SCML1: variants seen among roughly 807,000 people sequenced by gnomAD.
SCML1 encodes sex comb on midleg-like protein 1.
For missense variants in SCML1, 137 were observed against 258.1 expected, an observed-to-expected ratio of 0.53 and a Z score of 3.22; for synonymous variants, 104 against 103.6, an observed-to-expected ratio of 1.00 and a Z score of -0.02.
chrX:17,746,879 G>T (rs749817515), intron 4 of SCML1, among the ~76,000 whole-genome samples: 3 of 111,915 alleles, frequency 2.7e-5, no homozygotes, highest in African/African-American at 9.7e-5. Flanking sequence ...TGTGGGGGGA[G>T]GTGTCCAGGG....
At chrX:17,742,114 A>G (rs1359606894) in intron 1 of SCML1, among the ~76,000 whole-genome samples, 1 of 111,838 alleles carries the variant, frequency 8.9e-6, no homozygotes, top group Non-Finnish European at 1.9e-5. Flanking sequence ...AAAATGTTAT[A>G]AAAACTGGAC....
chrX:17,744,334 A>G, intron 2 of SCML1, 115 bp downstream of exon 2: 5 of 547,719 alleles, frequency 9.1e-6, no homozygotes, highest in Non-Finnish European at 1.2e-5. Context: ...AATTTTTGTT[A>G]TATATTTTAA....
At position 17,750,252 on chromosome X, in the gene SCML1, A is replaced by G; in HGVS notation, c.662A>G (p.Asn221Ser). 1 of 1,210,367 alleles carries G rather than the reference A, an allele frequency of 8.3e-7. No homozygotes were observed. The highest frequency in any genetic ancestry group is 1.1e-6 in the Non-Finnish European group (1 of 894,776). The change falls in exon 6 of 8, where the codon AAC (asparagine) becomes AGC (serine). Residue 221 changes from asparagine (N) to serine (S), a missense_variant. Physicochemically the swap from Asn to Ser is conservative, Grantham distance 46 (BLOSUM62 1). Coordinates refer to ENST00000380041, the MANE Select transcript of SCML1 (RefSeq NM_001037540.3). ...LGNPRADSIHNTYSTDHASAA... is the reference protein window; with the variant it reads ...LGNPRADSIHSTYSTDHASAA... ...AACCCTCGGGCTGACAGCATCCACA[A>G]CACTTACTCAACTGACCATGCTTCT...
At chrX:17,752,838 A>T (rs1045316200) in intron 7 of SCML1, among the ~76,000 whole-genome samples, 2 of 111,627 alleles carry the variant, frequency 1.8e-5, no homozygotes, top group African/African-American at 6.5e-5. Context: ...CATTGTATAG[A>T]CATTTACAGT....
chrX:17,747,366 C>T (rs1364396870), intron 4 of SCML1, among the ~76,000 whole-genome samples: 1 of 111,162 alleles, frequency 9.0e-6, no homozygotes, highest in African/African-American at 3.3e-5. Flanking sequence ...CGAGTTCTCC[C>T]ACATCTTGGA....
chrX:17,749,751 A>G, intron 5 of SCML1, 143 bp from the exon 6 acceptor site: 1 of 578,002 alleles, frequency 1.7e-6, no homozygotes. Context: ...TGTAGGATTG[A>G]AGAATTATAT....
chrX:17,748,240 C>G (rs1431587728), intron 4 of SCML1, among the ~76,000 whole-genome samples: 1 of 111,830 alleles, frequency 8.9e-6, no homozygotes, highest in Non-Finnish European at 1.9e-5. Context: ...GGTAGTTCCT[C>G]TAGGACAGGC....
Position 17,753,612 on chromosome X carries a change from C to A in SCML1, c.*220C>A. 2.5e-5 allele frequency: 5 copies of A among 203,740 alleles called. No homozygotes were observed. Among genetic ancestry groups the A allele is most frequent in the East Asian group, 8.4e-5 (1 of 11,938 alleles). The allele number at this position is 203,740 out of a possible 1,213,427, so 16.8% of individuals were successfully genotyped here. On this transcript the variant is annotated 3_prime_UTR_variant, in exon 8 of 8. Coordinates refer to ENST00000380041, the MANE Select transcript of SCML1 (RefSeq NM_001037540.3). ...TATTAGAATAGTCCAATAGAAAATTCATTCTTTATAGGTCTTTAAAAATTA... is the reference window on the plus strand; with the variant it reads ...TATTAGAATAGTCCAATAGAAAATTAATTCTTTATAGGTCTTTAAAAATTA...
At chrX:17,749,250 G>T in intron 4 of SCML1, 150 bp from the exon 5 acceptor site, 1 of 387,668 alleles carries the variant, frequency 2.6e-6, no homozygotes, top group Non-Finnish European at 4.4e-6. Flanking sequence ...GCCTTGAATA[G>T]GAGCAAGACA....
intron 7 of SCML1, among the ~76,000 whole-genome samples, chrX:17,752,495 G>A (rs1450686934): frequency 8.9e-6 from 1 of 112,349 alleles, no homozygotes; most frequent in Non-Finnish European, 1.9e-5. Flanking sequence ...GTTTTACTTA[G>A]TAGAAAAAGT....
chrX:17,745,770 A>G, intron 3 of SCML1: 1 of 338,167 alleles, frequency 3.0e-6, no homozygotes. Flanking sequence ...TCAGTATAAA[A>G]CTCTAAACCT....
At chrX:17,746,693 T>G (rs1024000234) in intron 4 of SCML1, among the ~76,000 whole-genome samples, 1 of 112,267 alleles carries the variant, frequency 8.9e-6, no homozygotes, top group Non-Finnish European at 1.9e-5. Flanking sequence ...GTGTTTATCA[T>G]GATCATGGAG....
At chrX:17,740,922 G>A (rs73189163) in intron 1 of SCML1, among the ~76,000 whole-genome samples, 2,616 of 112,237 alleles carry the variant, frequency 0.023, 39 homozygotes, top group Non-Finnish European at 0.04. Context: ...GAGTCCAGTG[G>A]TGGACTCACT....
intron 1 of SCML1, among the ~76,000 whole-genome samples, chrX:17,739,832 G>C (rs1219213493): frequency 2.5e-5 from 2 of 79,846 alleles, no homozygotes; most frequent in Non-Finnish European, 4.4e-5. Context: ...CTGGGTGACA[G>C]AGTAAGACTC....
rs1175361483 is a variant in SCML1 at position 17,737,494 on chromosome X, C to T, written c.-303C>T. 1 of 91,909 alleles carries T rather than the reference C, an allele frequency of 1.1e-5. No individual in the cohort carries two copies. The highest frequency in any genetic ancestry group is 2.1e-5 in the Non-Finnish European group (1 of 48,454). 7.6% of individuals were successfully genotyped at this position (91,909 alleles called of 1,213,427 possible). A position where few individuals can be genotyped will look rare whatever the true frequency, so the allele number is the denominator to read the frequency against. On this transcript the variant is annotated 5_prime_UTR_variant, in exon 1 of 8. Transcript: ENST00000380041. ...GGCGTCGCGGGAGCTCTCTGATCCA[C>T]TCAGGGGTCAGGGCATCACTGGTCT...
chrX:17,737,196 C>T (rs1569324801), upstream of SCML1, among the ~76,000 whole-genome samples: 2 of 109,619 alleles, frequency 1.8e-5, no homozygotes, highest in African/African-American at 6.7e-5. Context: ...GAAGGAAAAC[C>T]TGAGGTAAGA....
intron 5 of SCML1, 33 bp from the exon 6 acceptor site, chrX:17,749,861 C>T (rs2066688990): frequency 1.7e-6 from 2 of 1,155,683 alleles, no homozygotes; most frequent in African/African-American, 1.8e-5. Context: ...TTTTTACTCA[C>T]TGTTGGTTTA....
At chrX:17,748,126 A>T (rs1217451819) in intron 4 of SCML1, among the ~76,000 whole-genome samples, 1 of 111,716 alleles carries the variant, frequency 9.0e-6, no homozygotes, top group East Asian at 2.8e-4. Context: ...GGTGATGTTG[A>T]TGCTACCAGT....
In SCML1 at chrX:17,754,343, T is replaced by A. The variant is rs1471711006; in HGVS notation, c.*951T>A. 8.9e-6 allele frequency: 1 copy of A among 112,474 alleles called. No homozygotes were observed. The highest frequency in any genetic ancestry group is 1.9e-5 in the Non-Finnish European group (1 of 53,264). 9.3% of individuals were successfully genotyped at this position (112,474 alleles called of 1,213,427 possible). A position where few individuals can be genotyped will look rare whatever the true frequency, so the allele number is the denominator to read the frequency against. ...ATTGCCACAGAGGTAGGATGAGCCA[T>A]ATATTAGTGAAATGTTTTATTTTGT... is the stretch of plus-strand genomic sequence containing the variant. On this transcript the variant is annotated 3_prime_UTR_variant, in exon 8 of 8. Coordinates refer to ENST00000380041, the MANE Select transcript of SCML1 (RefSeq NM_001037540.3).
Sources: gnomAD v4.1 joint callset for allele counts (sites outside exome capture counted in the v4.1 genomes callset) on GRCh38, gnomAD v4.1.1 for gene constraint, MANE v1.5 for transcripts, NCBI Gene and HGNC (gene_info 2026-07-23, HGNC 2026-07-21) for gene names.